Variants in RNF44 observed in about 807,000 individuals in gnomAD.
RNF44 encodes ring finger protein 44.
A neutral mutation model predicts 53.6 loss-of-function variants in RNF44; 25 were observed. The observed-to-expected ratio is 0.47, with a 90% CI of 0.34 to 0.65. The LOEUF (loss-of-function observed/expected upper bound fraction) is 0.65. Ranked by LOEUF, RNF44 falls within the 30% of genes least tolerant of loss-of-function variation. The pLI is 0.01. For missense variants in RNF44, 581 were observed against 595.5 expected (o/e 0.98, Z 0.25); for synonymous variants, 282 against 252.2 (o/e 1.12, Z -1.12).
chr5:176,529,901 AAC>A (rs1756399261), intron 7 of RNF44, 83 bp from the exon 8 acceptor site: 6 of 1,421,664 alleles, frequency 4.2e-6, no homozygotes, highest in Non-Finnish European at 5.7e-6. Context: ...CCTCCTTGCA[AAC>A]AGAGCCCAGA....
chr5:176,538,174 TG>T (rs1757350035), upstream of RNF44: 1 of 152,228 alleles, frequency 6.6e-6, no homozygotes, highest in Non-Finnish European at 1.5e-5. Context: ...GCTGCTAGGC[TG>T]GGCTTGAGAG....
In RNF44 at chr5:176,532,456, A is replaced by AG. The variant is rs1756780682; in HGVS notation, c.16dup (p.Leu6ProfsTer5). On this transcript the variant is annotated frameshift_variant, in exon 2 of 11. Coordinates refer to ENST00000274811, the MANE Select transcript of RNF44 (RefSeq NM_014901.5). LOFTEE classifies it high-confidence loss of function. ...GGAGGGTGGCCACCTAGTCACTGCC[A>AG]GAGCCCATGGTCGCATCGGGGGGGC... The AG allele has an allele frequency of 8.9e-6, 14 of 1,574,956 alleles. No individual in the cohort carries two copies. The highest frequency in any genetic ancestry group is 6.8e-5 in the African/African-American group (5 of 73,534).
At chr5:176,536,123 C>T (rs1166928168) in intron 1 of RNF44, 1 of 152,274 alleles carries the variant, frequency 6.6e-6, no homozygotes, top group Non-Finnish European at 1.5e-5. Flanking sequence ...CCCCTTCCTA[C>T]TTCCCCACAC....
rs1581089953 is a variant in RNF44, at chr5:176,527,354, A to G, written c.*1674T>C. ...CCCCCAATAGCTGCTTGTTGGAATC[A>G]CTGCTGCAGCCGACACACAATCTGT... On this transcript the variant is annotated 3_prime_UTR_variant, in exon 11 of 11. Coordinates refer to ENST00000274811, the MANE Select transcript of RNF44 (RefSeq NM_014901.5). 1 of 152,454 alleles carries G rather than the reference A, an allele frequency of 6.6e-6. No homozygotes were observed. The highest frequency in any genetic ancestry group is 1.5e-5 in the Non-Finnish European group (1 of 68,032). The allele number at this position is 152,454 out of a possible 1,614,324, so 9.4% of individuals were successfully genotyped here.
Position 176,531,996 on chromosome 5 carries a change from C to G in RNF44, c.297+8G>C. ...GGCCAGGGGCACAGGGGATGGGGTT[C>G]TGCCTACCTGCTCGTGGAGATCAAC... On this transcript the variant is annotated splice_region_variant and intron_variant, in intron 3 of 10. Coordinates refer to ENST00000274811, the MANE Select transcript of RNF44 (RefSeq NM_014901.5). This position sits in a 1 kb window ranked among gnomAD's most constrained non-coding sequence, Gnocchi z 4.2. 6.2e-7 allele frequency: 1 copy of G among 1,606,228 alleles called. No individual in the cohort carries two copies. The highest frequency in any genetic ancestry group is 8.5e-7 in the Non-Finnish European group (1 of 1,176,226).
In RNF44 at chr5:176,529,198, T is replaced by TGACAAG. The variant is rs748542555; in HGVS notation, c.1236+84_1236+89dup. Reference sequence around the variant, plus strand: ...GCTGGAGCCAGAACTTCCGAGATGATGACAAGGACAAGGAGGGAAACAGCC... The same window carrying TGACAAG: ...GCTGGAGCCAGAACTTCCGAGATGATGACAAGGACAAGGACAAGGAGGGAAACAGCC... On this transcript the variant is annotated intron_variant, in intron 10 of 10. Transcript: ENST00000274811. The TGACAAG allele has an allele frequency of 5.8e-6, 9 of 1,556,016 alleles. No individual in the cohort carries two copies. The South Asian group carries it at 1.0e-4, about 18-fold the overall frequency.
rs984797501 is a variant in RNF44 at position 176,532,108 on chromosome 5, G to C, written c.193C>G (p.Leu65Val). The C allele has an allele frequency of 6.3e-7, 1 of 1,593,494 alleles. No homozygotes were observed. The highest frequency in any genetic ancestry group is 8.5e-7 in the Non-Finnish European group (1 of 1,171,710). ...GAGGCTCGGCGCTCCTCTACGGGGA[G>C]GTGTGGAGGTCGGGACGGCGGCTGC... ...SQQPPSRPPH[L>V]PVEERRASAP... The change falls in exon 3 of 11, where the codon CTC becomes GTC. Residue 65 changes from leucine (L) to valine (V), a missense_variant. By Grantham distance (32) the Leu-to-Val change is conservative. Around this residue, in one of 3 missense-constraint regions of RNF44, gnomAD observed 387 missense variants for 366.0 expected, o/e 1.06. Transcript: ENST00000274811.
chr5:176,530,916 G>GGGGGGGGGGGGGT lies in RNF44; in HGVS notation c.570_571insACCCCCCCCCCCC (p.Pro191ThrfsTer145). 1 of 1,342,898 alleles carries GGGGGGGGGGGGGT rather than the reference G, an allele frequency of 7.4e-7. No homozygotes were observed. The highest frequency in any genetic ancestry group is 9.9e-7 in the Non-Finnish European group (1 of 1,014,318). 83.2% of individuals were successfully genotyped at this position (1,342,898 alleles called of 1,614,324 possible). On this transcript the variant is annotated frameshift_variant, in exon 5 of 11. Transcript: ENST00000274811. LOFTEE classifies it high-confidence loss of function. ...GGCGCCATGTGGGTGGGCTGGGGGG[G>GGGGGGGGGGGGGT]TGGGGCCGGTGGTGGGGGGTGCAGG...
chr5:176,532,386 G>A lies in RNF44; in HGVS notation c.87C>T (p.Thr29=). The A allele has an allele frequency of 1.9e-6, 3 of 1,609,858 alleles. No homozygotes were observed. Among genetic ancestry groups the A allele is most frequent in the Non-Finnish European group, 1.7e-6 (2 of 1,179,084 alleles). ...QRRFSAGPGS[T]PGQLWGSPGL... is the part of the protein sequence containing the mutation. ...CCTACCTTCCCCAGAGCTGGCCCGG[G>A]GTGCTGCCAGGTCCCGCAGAGAATC... The change falls in exon 2 of 11, where the codon ACC becomes ACT. Residue 29 remains threonine, a synonymous_variant. Transcript: ENST00000274811.
intron 1 of RNF44, among the ~76,000 whole-genome samples, chr5:176,536,627 A>G (rs1020310957): frequency 6.6e-6 from 1 of 152,084 alleles, no homozygotes; most frequent in African/African-American, 2.4e-5. Flanking sequence ...CGACTTTAAG[A>G]GCCGAGGATC....
At chr5:176,543,248 G>A in the RNF44 span, among the ~76,000 whole-genome samples, 1 of 146,712 alleles carries the variant, frequency 6.8e-6, no homozygotes, top group Non-Finnish European at 1.5e-5. The surrounding 1 kb of genome is among the most constrained non-coding windows in gnomAD (Gnocchi z 4.0). Flanking sequence ...GCAGGGTCCG[G>A]GCCCGGCGTT....
chr5:176,533,754 G>A (rs560770302), intron 1 of RNF44, among the ~76,000 whole-genome samples: 14 of 152,342 alleles, frequency 9.2e-5, no homozygotes, highest in African/African-American at 3.4e-4. Flanking sequence ...CGAGGGACCT[G>A]GCTCAACCTC....
At position 176,526,743 on chromosome 5, in the gene RNF44, T is replaced by A. The variant is rs780052569; in HGVS notation, c.*2285A>T. The A allele has an allele frequency of 1.2e-4, 18 of 152,358 alleles. No individual in the cohort carries two copies. Among genetic ancestry groups the A allele is most frequent in the Non-Finnish European group, 2.2e-4 (15 of 68,018 alleles). 9.4% of individuals were successfully genotyped at this position (152,358 alleles called of 1,614,324 possible). ...TACATCATACATTTATTAGTGAATA[T>A]CCCTCTGAAATCAGCAACAATATTA... On this transcript the variant is annotated 3_prime_UTR_variant, in exon 11 of 11. Coordinates refer to ENST00000274811, the MANE Select transcript of RNF44 (RefSeq NM_014901.5).
At chr5:176,535,365 G>A (rs1288226802) in intron 1 of RNF44, among the ~76,000 whole-genome samples, 1 of 152,206 alleles carries the variant, frequency 6.6e-6, no homozygotes, top group Non-Finnish European at 1.5e-5. Flanking sequence ...ACCTCAAGCA[G>A]AGCTTGAAGG....
At position 176,530,181 on chromosome 5, in the gene RNF44, C is replaced by G. The variant is rs1195328378; in HGVS notation, c.827G>C (p.Arg276Thr). The G allele has an allele frequency of 1.5e-6, 2 of 1,318,796 alleles. No individual in the cohort carries two copies. The highest frequency in any genetic ancestry group is 1.9e-6 in the Non-Finnish European group (2 of 1,030,246). 81.7% of individuals were successfully genotyped at this position (1,318,796 alleles called of 1,614,324 possible). A position where few individuals can be genotyped will look rare whatever the true frequency, so the allele number is the denominator to read the frequency against. The stretch of plus-strand genomic sequence containing the variant: ...CAGGCGGTATCTCTGGGTGCTCAGT[C>G]TCCGTGGCATCATGTGAGAATATGG... ...GVPYSHMMPR[R>T]LSTQRYRLQQ... is the part of the protein sequence containing the mutation. Residue 276 changes from arginine (R) to threonine (T), a missense_variant, in exon 7 of 11, where the codon AGA (arginine) becomes ACA (threonine). Arg to Thr is a moderately conservative substitution (Grantham distance 71). Transcript: ENST00000274811.
At chr5:176,530,028 A>T in intron 7 of RNF44, 54 bp downstream of exon 7, 1 of 1,424,494 alleles carries the variant, frequency 7.0e-7, no homozygotes, top group Non-Finnish European at 9.2e-7. Context: ...TAACCACTGG[A>T]GGTTCCAGGA....
At chr5:176,540,868 G>A (rs1757431380), upstream of RNF44, among the ~76,000 whole-genome samples, 1 of 152,250 alleles carries the variant, frequency 6.6e-6, no homozygotes, top group South Asian at 2.1e-4. Flanking sequence ...GGGAAGGGAG[G>A]CACAATTTTC....
rs377052527 is a variant in RNF44, at chr5:176,531,679, G to A, written c.298-49C>T. The A allele has an allele frequency of 6.5e-5, 100 of 1,541,624 alleles. No homozygotes were observed. In the African/African-American group the frequency reaches 6.5e-4, roughly 10 times the overall value. ...AAAGTATGAAAAGGAAGCTGACCGCGAGGGCTACTCTCAGGAGAAATCATC... is the reference window on the plus strand; with the variant it reads ...AAAGTATGAAAAGGAAGCTGACCGCAAGGGCTACTCTCAGGAGAAATCATC... On this transcript the variant is annotated intron_variant, in intron 3 of 10. Coordinates refer to ENST00000274811, the MANE Select transcript of RNF44 (RefSeq NM_014901.5). This position sits in a 1 kb window ranked among gnomAD's most constrained non-coding sequence, Gnocchi z 4.2.
upstream of RNF44, chr5:176,542,710 G>A (rs1757478654): frequency 6.6e-6 from 1 of 152,252 alleles, no homozygotes; most frequent in Non-Finnish European, 1.5e-5. Context: ...GAAGCTGTGT[G>A]ACCTTGGGCA....
Sources: allele counts gnomAD v4.1 joint callset (sites outside exome capture counted in the v4.1 genomes callset), GRCh38; gene constraint gnomAD v4.1.1; regional missense constraint gnomAD v4.1.1; non-coding constraint Gnocchi (gnomAD v3.1); transcripts MANE v1.5; gene names NCBI Gene and HGNC (gene_info 2026-07-23, HGNC 2026-07-21).